The following SMIM36 variants were observed in gnomAD, a reference collection of about 807,000 sequenced individuals.
The protein encoded by SMIM36 is small integral membrane protein 36.
intron 1 of SMIM36, among the ~76,000 whole-genome samples, chr17:55,489,099 C>A (rs532972173): frequency 6.6e-6 from 1 of 152,026 alleles, no homozygotes; most frequent in African/African-American, 2.4e-5. Flanking sequence ...AATGTAAGGC[C>A]GGGCACAATG....
the SMIM36 span, among the ~76,000 whole-genome samples, chr17:55,530,569 G>A: frequency 5.3e-5 from 8 of 152,204 alleles, 1 homozygote; most frequent in Admixed American, 5.2e-4. Flanking sequence ...CGGATCAAAA[G>A]GTCAGGAGTT....
intron 1 of SMIM36, among the ~76,000 whole-genome samples, chr17:55,481,610 A>T (rs1347740504): frequency 6.6e-6 from 1 of 152,192 alleles, no homozygotes. Context: ...TCTAGCTAAG[A>T]AAAATTTATA....
At chr17:55,452,883 T>G (rs1392271796) in intron 4 of SMIM36, among the ~76,000 whole-genome samples, 1 of 152,120 alleles carries the variant, frequency 6.6e-6, no homozygotes, top group East Asian at 1.9e-4. Context: ...AACCCAACAC[T>G]TTGATAGAGA....
intron 1 of SMIM36, among the ~76,000 whole-genome samples, chr17:55,489,945 T>A (rs1460775788): frequency 6.6e-6 from 1 of 152,018 alleles, no homozygotes; most frequent in Non-Finnish European, 1.5e-5. Context: ...GCCTCCTGGG[T>A]TCATGCCATT....
At chr17:55,529,524 T>G in the SMIM36 span, among the ~76,000 whole-genome samples, 3 of 151,628 alleles carry the variant, frequency 2.0e-5, no homozygotes, top group African/African-American at 7.3e-5. Context: ...TCCCAGCACT[T>G]TGGGAGGCTG....
chr17:55,513,994 T>C (rs113240921), upstream of SMIM36, among the ~76,000 whole-genome samples: 1 of 152,098 alleles, frequency 6.6e-6, no homozygotes, highest in African/African-American at 2.4e-5. Context: ...TAGCAGAGAG[T>C]TTTTTGTTTC....
rs545011572 is a variant in SMIM36 at position 55,502,157 on chromosome 17, G to A, written c.*174+8722C>T. 3.7e-4 allele frequency among the ~76,000 whole-genome samples: 55 copies of A among 149,830 alleles called. No homozygotes were observed. In the East Asian group the frequency reaches 5.2e-3, roughly 14 times the overall value. On this transcript the variant is annotated intron_variant, in intron 1 of 4. Transcript: ENST00000636752. ...CAGCGAGGCTGGGGGAGGGGCGCCC[G>A]CCATTGCCCAGGCTTGCTTAGGTAA... is the stretch of plus-strand genomic sequence containing the variant.
the SMIM36 span, among the ~76,000 whole-genome samples, chr17:55,525,019 A>G: frequency 6.6e-6 from 1 of 152,200 alleles, no homozygotes; most frequent in African/African-American, 2.4e-5. Flanking sequence ...AGACAGGTTG[A>G]GGAAGTTGCC....
At chr17:55,500,811 A>ATATATTATAAAATATAATATATTATT (rs1909901395) in intron 1 of SMIM36, among the ~76,000 whole-genome samples, 1 of 25,368 alleles carries the variant, frequency 3.9e-5, no homozygotes, top group Non-Finnish European at 8.9e-5. Flanking sequence ...AATATATTAT[A>ATATATTATAAAATATAATATATTATT]ATATATTATA....
the SMIM36 span, among the ~76,000 whole-genome samples, chr17:55,526,220 T>C: frequency 1.5e-4 from 23 of 152,270 alleles, no homozygotes; most frequent in South Asian, 4.8e-3. Context: ...CTCGGCTCAC[T>C]GCAACCTCCA....
At chr17:55,521,355 G>C in the SMIM36 span, among the ~76,000 whole-genome samples, 1 of 152,348 alleles carries the variant, frequency 6.6e-6, no homozygotes, top group East Asian at 1.9e-4. Context: ...TAGCTACCCT[G>C]TTTTAGGGAT....
the SMIM36 span, among the ~76,000 whole-genome samples, chr17:55,528,540 T>C: frequency 2.0e-5 from 3 of 151,460 alleles, no homozygotes; most frequent in East Asian, 1.9e-4. Context: ...GAAGTCTTTT[T>C]TTTTCTTTTC....
intron 3 of SMIM36, among the ~76,000 whole-genome samples, chr17:55,473,902 G>A (rs935480632): frequency 5.3e-5 from 8 of 152,098 alleles, no homozygotes; most frequent in African/African-American, 4.8e-5. Flanking sequence ...AGCCCGGCGC[G>A]TCACCCTGGG....
At chr17:55,480,184 T>C (rs1909495608) in intron 1 of SMIM36, among the ~76,000 whole-genome samples, 1 of 148,252 alleles carries the variant, frequency 6.7e-6, no homozygotes. Flanking sequence ...GTGAAAGGGC[T>C]GAGAAGTACA....
the SMIM36 span, among the ~76,000 whole-genome samples, chr17:55,530,651 C>G: frequency 6.6e-6 from 1 of 152,032 alleles, no homozygotes; most frequent in Non-Finnish European, 1.5e-5. Context: ...GGCATGGTGG[C>G]GGGCGCCTGT....
chr17:55,517,289 A>C, the SMIM36 span, among the ~76,000 whole-genome samples: 1 of 152,190 alleles, frequency 6.6e-6, no homozygotes, highest in East Asian at 1.9e-4. Flanking sequence ...GTTCGCTCAC[A>C]CCTGTAATAC....
chr17:55,518,637 T>C, the SMIM36 span, among the ~76,000 whole-genome samples: 4 of 151,920 alleles, frequency 2.6e-5, no homozygotes, highest in Admixed American at 2.6e-4. Flanking sequence ...TTTGAGGAGT[T>C]TGGTTGTGAA....
chr17:55,460,471 C>G (rs980948723), intron 4 of SMIM36, among the ~76,000 whole-genome samples: 3 of 150,178 alleles, frequency 2.0e-5, no homozygotes, highest in Admixed American at 6.6e-5. Flanking sequence ...AGAACAACAA[C>G]AACAAAAAAG....
At chr17:55,477,797 T>C (rs1909449879) in intron 3 of SMIM36, among the ~76,000 whole-genome samples, 1 of 152,016 alleles carries the variant, frequency 6.6e-6, no homozygotes, top group Non-Finnish European at 1.5e-5. Flanking sequence ...AAAGGGATAA[T>C]GTTTTCCAAG....
Sources: gnomAD v4.1 joint callset for allele counts (sites outside exome capture counted in the v4.1 genomes callset) on GRCh38, gnomAD v4.1.1 for gene constraint, MANE v1.5 for transcripts, NCBI Gene and HGNC (gene_info 2026-07-23, HGNC 2026-07-21) for gene names.